Variants in JARID2 observed in about 807,000 individuals in gnomAD.
JARID2 encodes jumonji and AT-rich interaction domain containing 2.
JARID2 carries 21 observed loss-of-function variants against 125.6 expected under a neutral mutation model. The observed-to-expected ratio is 0.17, with a 90% CI of 0.12 to 0.24. The LOEUF (loss-of-function observed/expected upper bound fraction) is 0.24. Ranked by LOEUF, JARID2 falls within the 10% of genes least tolerant of loss-of-function variation. The pLI, the probability that JARID2 is intolerant of heterozygous loss-of-function variation, is 1.00. For synonymous variants in JARID2, 736 were observed against 661.6 expected (o/e 1.11, Z -1.73); for missense variants, 1,303 against 1,639.6 (o/e 0.79, Z 3.55).
In JARID2 at chr6:15,496,795, A is replaced by T. The variant is rs768171157; in HGVS notation, c.1570A>T (p.Asn524Tyr). The T allele has an allele frequency of 6.2e-7, 1 of 1,610,704 alleles. No homozygotes were observed. The change falls in exon 7 of 18, where the codon AAT (asparagine) becomes TAT (tyrosine). Residue 524 changes from asparagine (N) to tyrosine (Y), a missense_variant. Around this residue, in one of 11 missense-constraint regions of JARID2, gnomAD observed 651 missense variants for 581.6 expected, o/e 1.12. Transcript: ENST00000341776. The part of the protein sequence containing the change: ...HGKADSASCE[N>Y]RSTSQPESVH... ...CAAGGCGGACAGCGCCTCCTGTGAA[A>T]ATCGTTCTACCTCGCAACCGGAGTC...
At chr6:15,247,783 G>A in intron 1 of JARID2, 2 of 985,380 alleles carry the variant, frequency 2.0e-6, no homozygotes, top group Non-Finnish European at 1.2e-6. Flanking sequence ...TGAAAGAAAT[G>A]CAAGGTTAAA....
intron 1 of JARID2, among the ~76,000 whole-genome samples, chr6:15,298,108 T>G (rs1031267716): frequency 6.6e-6 from 1 of 152,226 alleles, no homozygotes; most frequent in Non-Finnish European, 1.5e-5. Flanking sequence ...ACCCAACTTT[T>G]TCTTGATATG....
At chr6:15,370,324 T>C (rs1282752772) in intron 1 of JARID2, among the ~76,000 whole-genome samples, 2 of 129,876 alleles carry the variant, frequency 1.5e-5, no homozygotes, top group Non-Finnish European at 1.6e-5. Flanking sequence ...GAGTTGTATC[T>C]GGGCTGTTTT....
At chr6:15,345,899 C>T (rs1763228605) in intron 1 of JARID2, among the ~76,000 whole-genome samples, 2 of 152,142 alleles carry the variant, frequency 1.3e-5, no homozygotes, top group Non-Finnish European at 1.5e-5. Context: ...GATTGAATCT[C>T]TGCTCTGCTG....
chr6:15,395,362 C>G (rs1314302552), intron 2 of JARID2, among the ~76,000 whole-genome samples: 1 of 152,088 alleles, frequency 6.6e-6, no homozygotes, highest in African/African-American at 2.4e-5. Context: ...GTGGTATGAT[C>G]TCAGCTCACC....
At chr6:15,472,300 G>A (rs1769115456) in intron 5 of JARID2, among the ~76,000 whole-genome samples, 1 of 151,982 alleles carries the variant, frequency 6.6e-6, no homozygotes, top group South Asian at 2.1e-4. Flanking sequence ...TTACAATAGA[G>A]TCACAGCATC....
chr6:15,293,527 T>C (rs1004995374), intron 1 of JARID2, among the ~76,000 whole-genome samples: 5 of 152,234 alleles, frequency 3.3e-5, no homozygotes, highest in Admixed American at 3.3e-4. Flanking sequence ...GTTAAATGTA[T>C]TTCTATTTAT....
chr6:15,357,287 A>G (rs908058318), intron 1 of JARID2, among the ~76,000 whole-genome samples: 19 of 152,338 alleles, frequency 1.2e-4, no homozygotes, highest in African/African-American at 2.9e-4. Context: ...GAAGTTAACA[A>G]TTTTTACAAC....
intron 6 of JARID2, among the ~76,000 whole-genome samples, chr6:15,491,470 TTAAA>T (rs1770147306): frequency 6.6e-6 from 1 of 152,226 alleles, no homozygotes; most frequent in African/African-American, 2.4e-5. Flanking sequence ...GATTCAAGTT[TTAAA>T]GTGCAAATGG....
chr6:15,257,763 C>T (rs1369518628), intron 1 of JARID2, among the ~76,000 whole-genome samples: 1 of 152,130 alleles, frequency 6.6e-6, no homozygotes, highest in Non-Finnish European at 1.5e-5. Context: ...GGTTTGTTGG[C>T]TTTTAAAAAA....
At chr6:15,460,680 TTTG>T (rs150851411) in intron 4 of JARID2, among the ~76,000 whole-genome samples, 109,567 of 151,010 alleles carry the variant, frequency 0.73, 39,872 homozygotes, top group African/African-American at 0.77. Flanking sequence ...GAATGCTCAT[TTTG>T]TTGTTGTTGT....
intron 5 of JARID2, among the ~76,000 whole-genome samples, chr6:15,481,715 G>A (rs1362493802): frequency 6.6e-6 from 1 of 152,152 alleles, no homozygotes; most frequent in Non-Finnish European, 1.5e-5. Flanking sequence ...CTCTAAAACA[G>A]CATGATGGTT....
intron 5 of JARID2, among the ~76,000 whole-genome samples, chr6:15,482,237 A>G (rs561478065): frequency 6.6e-6 from 1 of 152,330 alleles, no homozygotes; most frequent in African/African-American, 2.4e-5. Flanking sequence ...TGAAATCATC[A>G]TGTAAGGAGT....
chr6:15,416,824 C>T (rs1006042094), intron 3 of JARID2, among the ~76,000 whole-genome samples: 7 of 152,210 alleles, frequency 4.6e-5, no homozygotes, highest in Admixed American at 2.0e-4. Context: ...CTGCCTATCT[C>T]CTTTCTCATT....
chr6:15,402,215 T>G (rs1765466575), intron 2 of JARID2, among the ~76,000 whole-genome samples: 1 of 152,186 alleles, frequency 6.6e-6, no homozygotes, highest in Non-Finnish European at 1.5e-5. Context: ...CATTACAGAT[T>G]AGTACACAAA....
Position 15,398,930 on chromosome 6 carries a change from G to A in JARID2, c.182-11294G>A, listed in dbSNP as rs181466496. Among the ~76,000 whole-genome samples the A allele has an allele frequency of 3.9e-5, 6 of 152,298 alleles. No individual in the cohort carries two copies. In the East Asian group the frequency reaches 9.6e-4, roughly 24 times the overall value. ...TTCTTACCAACCTTGCTGAGAATTA[G>A]CATAATCAGAATATCTGCCTCAGGT... On this transcript the variant is annotated intron_variant, in intron 2 of 17. Coordinates refer to ENST00000341776, the MANE Select transcript of JARID2 (RefSeq NM_004973.4).
chr6:15,445,672 G>T (rs1211172086), intron 3 of JARID2, among the ~76,000 whole-genome samples: 3 of 152,182 alleles, frequency 2.0e-5, no homozygotes, highest in Non-Finnish European at 4.4e-5. Context: ...CAGCGACTGT[G>T]GCCTGGGAAC....
chr6:15,468,592 G>A lies in JARID2; in HGVS notation c.544G>A (p.Glu182Lys). 6 of 1,614,096 alleles carry A rather than the reference G, an allele frequency of 3.7e-6. No homozygotes were observed. The highest frequency in any genetic ancestry group is 5.1e-6 in the Non-Finnish European group (6 of 1,179,974). Reference protein sequence around the residue: ...SMVYFGSSQDEEEVEEEDDET... With the variant: ...SMVYFGSSQDKEEVEEEDDET... Reference sequence around the variant, plus strand: ...GGTGTATTTTGGAAGCTCTCAGGATGAGGAGGAAGTCGAGGAGGAAGATGA... The same window carrying A: ...GGTGTATTTTGGAAGCTCTCAGGATAAGGAGGAAGTCGAGGAGGAAGATGA... The change falls in exon 5 of 18, where the codon GAG (glutamate) becomes AAG (lysine). Residue 182 changes from glutamate (E) to lysine (K), a missense_variant. Coordinates refer to ENST00000341776, the MANE Select transcript of JARID2 (RefSeq NM_004973.4).
intron 1 of JARID2, among the ~76,000 whole-genome samples, chr6:15,289,303 A>G (rs1322110149): frequency 6.6e-6 from 1 of 152,252 alleles, no homozygotes. Flanking sequence ...CACTGTCAGC[A>G]GTAGTCTGGT....
Sources: gnomAD v4.1 joint callset for allele counts (sites outside exome capture counted in the v4.1 genomes callset) on GRCh38, gnomAD v4.1.1 for gene constraint, gnomAD v4.1.1 regional missense constraint, MANE v1.5 for transcripts, NCBI Gene and HGNC (gene_info 2026-07-23, HGNC 2026-07-21) for gene names.